STK32B: variants seen among roughly 807,000 people sequenced by gnomAD.
The protein encoded by STK32B is serine/threonine kinase 32B.
Under a neutral mutation model 52.6 loss-of-function variants are expected in STK32B, and 43 were observed. That is an observed-to-expected ratio of 0.82 (90% CI 0.64 to 1.05). STK32B has a LOEUF of 1.05. Ranked by LOEUF, STK32B falls within the 50% of genes least tolerant of loss-of-function variation. The probability of loss-of-function intolerance (pLI) is 0.00; values close to 1 mark genes in which losing one functional copy is unlikely to be tolerated. For synonymous variants in STK32B, 238 were observed against 204.3 expected (o/e 1.17, Z -1.41); for missense variants, 621 against 534.6 (o/e 1.16, Z -1.59).
chr4:5,150,749 A>T (rs1340384317), intron 2 of STK32B, among the ~76,000 whole-genome samples: 1 of 151,938 alleles, frequency 6.6e-6, no homozygotes, highest in African/African-American at 2.4e-5. Context: ...CCTCTTGGAT[A>T]CTCTTGGATT....
rs189564852 is a variant in STK32B, at chr4:5,247,049, G to A, written c.260+78599G>A. ...ACCCACTTGAGGAGGTGGTCTGCCCGTTCTCAGATCTCAAGCTGCATGCTG... is the reference window on the plus strand; with the variant it reads ...ACCCACTTGAGGAGGTGGTCTGCCCATTCTCAGATCTCAAGCTGCATGCTG... On this transcript the variant is annotated intron_variant, in intron 3 of 11. Coordinates refer to ENST00000282908, the MANE Select transcript of STK32B (RefSeq NM_018401.3). Among the ~76,000 whole-genome samples, 211 of 152,306 alleles carry A rather than the reference G, an allele frequency of 1.4e-3. 2 individuals carry two copies. The highest frequency in any genetic ancestry group is 4.6e-3 in the African/African-American group (190 of 41,572).
chr4:5,260,861 T>C (rs1418836427), intron 3 of STK32B, among the ~76,000 whole-genome samples: 8 of 152,014 alleles, frequency 5.3e-5, no homozygotes, highest in Non-Finnish European at 1.2e-4. Context: ...CAGAGTTGTT[T>C]AGAGGGAGTA....
intron 1 of STK32B, among the ~76,000 whole-genome samples, chr4:5,062,708 C>T (rs1319117954): frequency 2.6e-5 from 4 of 151,996 alleles, no homozygotes; most frequent in African/African-American, 9.7e-5. Flanking sequence ...TGGGGTTTCA[C>T]CATGTTAGCC....
chr4:5,250,156 A>G (rs1471033948), intron 3 of STK32B, among the ~76,000 whole-genome samples: 4 of 152,110 alleles, frequency 2.6e-5, no homozygotes, highest in Admixed American at 6.5e-5. Flanking sequence ...CCAGTCTGCT[A>G]TTGATGGACA....
chr4:5,365,949 A>T (rs2109004935), intron 4 of STK32B, among the ~76,000 whole-genome samples: 1 of 152,200 alleles, frequency 6.6e-6, no homozygotes, highest in African/African-American at 2.4e-5. Flanking sequence ...CACACTCCTC[A>T]GTGTTTACAG....
chr4:5,300,127 G>T (rs1729461428), intron 3 of STK32B, among the ~76,000 whole-genome samples: 1 of 152,130 alleles, frequency 6.6e-6, no homozygotes, highest in Non-Finnish European at 1.5e-5. Context: ...ATGCATGGAT[G>T]ATATGCAAAT....
intron 3 of STK32B, among the ~76,000 whole-genome samples, chr4:5,296,929 C>G (rs1217194084): frequency 6.6e-6 from 1 of 152,090 alleles, no homozygotes; most frequent in Non-Finnish European, 1.5e-5. Context: ...TTTTTACTTT[C>G]CATATTTAGT....
chr4:5,150,056 T>G (rs1717218830), intron 2 of STK32B, among the ~76,000 whole-genome samples: 1 of 152,058 alleles, frequency 6.6e-6, no homozygotes, highest in South Asian at 2.1e-4. Flanking sequence ...TGTTGTCATC[T>G]AACTTTCAGA....
intron 3 of STK32B, among the ~76,000 whole-genome samples, chr4:5,303,025 G>A: frequency 6.6e-6 from 1 of 151,370 alleles, no homozygotes; most frequent in East Asian, 1.9e-4. Context: ...TGTATATGTG[G>A]GTGTGTGTGT....
intron 2 of STK32B, among the ~76,000 whole-genome samples, chr4:5,149,234 A>G (rs1475304315): frequency 1.3e-5 from 2 of 151,702 alleles, no homozygotes; most frequent in African/African-American, 2.4e-5. Context: ...TTTTATATTT[A>G]ACATTAATTT....
At chr4:5,353,218 C>T (rs1289664133) in intron 4 of STK32B, among the ~76,000 whole-genome samples, 1 of 152,068 alleles carries the variant, frequency 6.6e-6, no homozygotes, top group Non-Finnish European at 1.5e-5. Flanking sequence ...AAGAATGAAA[C>T]TGGACTCATC....
At chr4:5,260,258 A>G (rs184504516) in intron 3 of STK32B, among the ~76,000 whole-genome samples, 271 of 152,336 alleles carry the variant, frequency 1.8e-3, no homozygotes, top group African/African-American at 5.6e-3. Flanking sequence ...ACAAATGTCC[A>G]TTAATCTCCC....
intron 1 of STK32B, among the ~76,000 whole-genome samples, chr4:5,099,445 T>TGCGCGC (rs371432040): frequency 0.17 from 12,727 of 76,996 alleles, 923 homozygotes; most frequent in East Asian, 0.43. Flanking sequence ...TGTGTGTGTG[T>TGCGCGC]GTGTGCGCGC....
intron 11 of STK32B, among the ~76,000 whole-genome samples, chr4:5,478,395 G>A (rs1173628374): frequency 6.6e-6 from 1 of 152,138 alleles, no homozygotes; most frequent in African/African-American, 2.4e-5. Flanking sequence ...CCAGGGTTTG[G>A]CTGAATCCAA....
intron 4 of STK32B, among the ~76,000 whole-genome samples, chr4:5,381,201 A>G (rs1263947642): frequency 6.6e-6 from 1 of 152,232 alleles, no homozygotes; most frequent in Non-Finnish European, 1.5e-5. Flanking sequence ...CTCCCTGGTT[A>G]GGAACTGTGC....
Position 5,490,471 on chromosome 4 carries a change from A to G in STK32B, c.1107-8474A>G, listed in dbSNP as rs377698884. ...GTAAGGCAGTTTGACTAGGTTGCCA[A>G]TATACTGAATTGGACAAAGAATAAT... On this transcript the variant is annotated intron_variant, in intron 11 of 11. Transcript: ENST00000282908. Among the ~76,000 whole-genome samples the G allele has an allele frequency of 1.6e-4, 25 of 152,290 alleles. 1 individual carries two copies. Among genetic ancestry groups the G allele is most frequent in the Middle Eastern group, 3.4e-3 (1 of 294 alleles).
At chr4:5,371,983 C>A (rs1028217707) in intron 4 of STK32B, among the ~76,000 whole-genome samples, 18 of 152,194 alleles carry the variant, frequency 1.2e-4, no homozygotes, top group African/African-American at 4.1e-4. Flanking sequence ...TCCTTCTGGG[C>A]ACAAGCCACT....
chr4:5,193,296 G>A (rs1035092155), intron 3 of STK32B, among the ~76,000 whole-genome samples: 11 of 152,022 alleles, frequency 7.2e-5, no homozygotes, highest in African/African-American at 2.7e-4. Flanking sequence ...CTCCTTGCTC[G>A]GCAGATCATG....
chr4:5,497,562 G>C (rs562829252), intron 11 of STK32B, among the ~76,000 whole-genome samples: 1 of 152,320 alleles, frequency 6.6e-6, no homozygotes, highest in African/African-American at 2.4e-5. Context: ...GCCCACCTTG[G>C]TCCTGGGCCT....
Sources: allele counts gnomAD v4.1 joint callset (sites outside exome capture counted in the v4.1 genomes callset), GRCh38; gene constraint gnomAD v4.1.1; transcripts MANE v1.5; gene names NCBI Gene and HGNC (gene_info 2026-07-23, HGNC 2026-07-21).